Variants in STRN3 observed in about 807,000 individuals in gnomAD.
STRN3 encodes the protein striatin 3, also known as striatin-3.
A neutral mutation model predicts 95.6 loss-of-function variants in STRN3; 29 were observed. That is an observed-to-expected ratio of 0.30 (90% confidence interval 0.23 to 0.41). The LOEUF is 0.41. Among genes scored for constraint, STRN3 ranks in the 10% least tolerant of loss-of-function variants. The pLI, the probability that STRN3 is intolerant of heterozygous loss-of-function variation, is 1.00. For missense variants in STRN3, 890 were observed against 972.1 expected (o/e 0.92, Z 1.12); for synonymous variants, 331 against 357.6 (o/e 0.93, Z 0.84).
chr14:31,009,310 A>G (rs2139314642), intron 1 of STRN3, among the ~76,000 whole-genome samples: 1 of 152,238 alleles, frequency 6.6e-6, no homozygotes, highest in South Asian at 2.1e-4. Flanking sequence ...AATTATTAAC[A>G]TTTTGGGCTA....
chr14:30,903,918 G>A (rs936527928), intron 15 of STRN3, among the ~76,000 whole-genome samples: 10 of 152,138 alleles, frequency 6.6e-5, no homozygotes, highest in African/African-American at 2.4e-4. Context: ...TTATTACTGA[G>A]ACGATTCTGT....
chr14:30,903,675 A>G, intron 15 of STRN3, among the ~76,000 whole-genome samples: 1 of 152,268 alleles, frequency 6.6e-6, no homozygotes. Context: ...GTGAGATTAC[A>G]GGCATGAGCC....
chr14:30,895,965 T>C (rs1197243099), intron 16 of STRN3, among the ~76,000 whole-genome samples: 4 of 152,196 alleles, frequency 2.6e-5, no homozygotes, highest in Non-Finnish European at 5.9e-5. Flanking sequence ...CACCATTCTC[T>C]AGAGTTCCGA....
At chr14:30,945,336 G>A (rs958851228) in intron 5 of STRN3, among the ~76,000 whole-genome samples, 2 of 152,064 alleles carry the variant, frequency 1.3e-5, no homozygotes, top group Middle Eastern at 3.2e-3. Flanking sequence ...ACACAATGAA[G>A]GCCGGGTGTG....
At chr14:30,969,544 A>G (rs1425194376) in intron 1 of STRN3, among the ~76,000 whole-genome samples, 1 of 152,204 alleles carries the variant, frequency 6.6e-6, no homozygotes, top group East Asian at 1.9e-4. Flanking sequence ...ACACTAATAT[A>G]AAGGTGAAAT....
At chr14:30,977,140 C>T (rs1881145211) in intron 1 of STRN3, among the ~76,000 whole-genome samples, 1 of 152,022 alleles carries the variant, frequency 6.6e-6, no homozygotes, top group Non-Finnish European at 1.5e-5. Flanking sequence ...GCAGGAGAGT[C>T]GCTTGAACCC....
chr14:30,907,355 T>G (rs1195930812), intron 13 of STRN3, among the ~76,000 whole-genome samples: 1 of 152,098 alleles, frequency 6.6e-6, no homozygotes, highest in African/African-American at 2.4e-5. Context: ...TCATTTAAAG[T>G]GTATACTTCA....
intron 3 of STRN3, among the ~76,000 whole-genome samples, chr14:30,952,825 C>T (rs1302341088): frequency 2.0e-5 from 3 of 152,064 alleles, no homozygotes; most frequent in African/African-American, 4.8e-5. Context: ...TTTAAAATTA[C>T]ATATAACACA....
rs575149645 is a variant in STRN3, at chr14:30,947,558, T to C, written c.543-295A>G. 5.3e-5 allele frequency among the ~76,000 whole-genome samples: 8 copies of C among 152,054 alleles called. 1 individual carries two copies. The South Asian group carries it at 1.0e-3, about 20-fold the overall frequency. On this transcript the variant is annotated intron_variant, in intron 4 of 17. Transcript: ENST00000357479. ...AGGATTATATACACACACACACACATTTTTAAATTTCCATACACACAACCA... is the reference window on the plus strand; with the variant it reads ...AGGATTATATACACACACACACACACTTTTAAATTTCCATACACACAACCA...
chr14:30,910,894 C>T (rs1896589248), intron 13 of STRN3, 147 bp downstream of exon 13: 3 of 786,798 alleles, frequency 3.8e-6, no homozygotes, highest in Admixed American at 7.0e-5. Flanking sequence ...CCTAATTTTT[C>T]TCTTTAATAA....
chr14:30,906,778 T>C (rs1896471973), intron 14 of STRN3, 99 bp downstream of exon 14: 1 of 1,237,584 alleles, frequency 8.1e-7, no homozygotes, highest in South Asian at 1.9e-5. Flanking sequence ...TCAATATATC[T>C]CTTTGGAACA....
intron 1 of STRN3, among the ~76,000 whole-genome samples, chr14:30,987,737 T>C (rs1476673323): frequency 2.0e-5 from 3 of 149,578 alleles, no homozygotes; most frequent in Non-Finnish European, 1.5e-5. Context: ...ATCAGTTGAA[T>C]ATAATTTTTT....
chr14:30,957,340 C>G (rs1408434705), intron 1 of STRN3, among the ~76,000 whole-genome samples: 1 of 151,180 alleles, frequency 6.6e-6, no homozygotes, highest in Non-Finnish European at 1.5e-5. Flanking sequence ...GTAGTCCCAG[C>G]TGCTCGGGAG....
chr14:30,898,608 C>T (rs1226460606), intron 16 of STRN3, among the ~76,000 whole-genome samples: 1 of 152,218 alleles, frequency 6.6e-6, no homozygotes, highest in East Asian at 1.9e-4. Flanking sequence ...TGGGCTTTCA[C>T]TGGTGACCAC....
At chr14:30,928,816 G>A (rs1008472604) in intron 8 of STRN3, among the ~76,000 whole-genome samples, 6 of 152,104 alleles carry the variant, frequency 3.9e-5, no homozygotes, top group African/African-American at 1.2e-4. Context: ...CCCAAACTAA[G>A]AAATGTAACC....
intron 1 of STRN3, among the ~76,000 whole-genome samples, chr14:30,975,608 AAAAG>A (rs1427902029): frequency 6.6e-6 from 1 of 151,944 alleles, no homozygotes; most frequent in Non-Finnish European, 1.5e-5. Context: ...AAGAAAAAAG[AAAAG>A]AAAGAGGAAG....
intron 1 of STRN3, among the ~76,000 whole-genome samples, chr14:30,960,048 CAAGACAATTATA>C (rs1880112352): frequency 6.6e-6 from 1 of 151,966 alleles, no homozygotes; most frequent in African/African-American, 2.4e-5. Flanking sequence ...CTAGAACAGC[CAAGACAATTATA>C]AAGAATGAGA....
rs149160757 is a variant in STRN3 at position 30,960,919 on chromosome 14, C to T, written c.283-4677G>A. On this transcript the variant is annotated intron_variant, in intron 1 of 17. Transcript: ENST00000357479. ...AAAGAAAAGAAAAAAAGAAAATGAACATCTGCCTGATACTTTCTGCCTCAT... is the reference window on the plus strand; with the variant it reads ...AAAGAAAAGAAAAAAAGAAAATGAATATCTGCCTGATACTTTCTGCCTCAT... Among the ~76,000 whole-genome samples, 93 of 139,100 alleles carry T rather than the reference C, an allele frequency of 6.7e-4. 4 individuals carry two copies. In the East Asian group the frequency reaches 0.019, roughly 28 times the overall value. 91.3% of individuals were successfully genotyped at this position (139,100 alleles called of 152,430 possible).
At chr14:30,956,368 A>C (rs879856994) in intron 1 of STRN3, 126 bp from the exon 2 acceptor site, 1 of 906,350 alleles carries the variant, frequency 1.1e-6, no homozygotes, top group Non-Finnish European at 1.7e-6. Context: ...AAATTCATAA[A>C]AACGGGCCAG....
Sources: allele counts gnomAD v4.1 joint callset (sites outside exome capture counted in the v4.1 genomes callset), GRCh38; gene constraint gnomAD v4.1.1; transcripts MANE v1.5; gene names NCBI Gene and HGNC (gene_info 2026-07-23, HGNC 2026-07-21).